EEF2K: variants seen among roughly 807,000 people sequenced by gnomAD.
EEF2K encodes alternative protein EEF2K.
A neutral mutation model predicts 93.8 loss-of-function variants in EEF2K; 70 were observed. That is an observed-to-expected ratio of 0.75 (90% confidence interval 0.62 to 0.91). EEF2K has a LOEUF of 0.91. EEF2K is among the 40% of genes least tolerant of loss of function. EEF2K has a pLI of 0.00. For synonymous variants in EEF2K, 376 were observed against 380.8 expected, an observed-to-expected ratio of 0.99 and a Z score of 0.15; for missense variants, 935 against 972.9, an observed-to-expected ratio of 0.96 and a Z score of 0.52.
rs2141686103 is a variant in EEF2K at position 22,275,116 on chromosome 16, C to CTGGGGAAGCA, written c.1889+1366_1889+1367insTGGGGAAGCA. ...AAATGTCAGTGTATACATATGGTGC[C>CTGGGGAAGCA]CATTGAGTGCACTGGGGAAGCACAT... On this transcript the variant is annotated intron_variant, in intron 16 of 17. Coordinates refer to ENST00000263026, the MANE Select transcript of EEF2K (RefSeq NM_013302.5). Among the ~76,000 whole-genome samples, 5 of 152,204 alleles carry CTGGGGAAGCA rather than the reference C, an allele frequency of 3.3e-5. No homozygotes were observed. The East Asian group carries it at 9.6e-4, about 29-fold the overall frequency.
At chr16:22,208,064 T>C (rs11643979) in intron 1 of EEF2K, among the ~76,000 whole-genome samples, 5,314 of 152,314 alleles carry the variant, frequency 0.035, 149 homozygotes, top group South Asian at 0.097. Context: ...TGAATTTCAG[T>C]GTAACATGGC....
At position 22,275,257 on chromosome 16, in the gene EEF2K, A is replaced by T. The variant is rs1195091780; in HGVS notation, c.1889+1507A>T. On this transcript the variant is annotated intron_variant, in intron 16 of 17. Coordinates refer to ENST00000263026, the MANE Select transcript of EEF2K (RefSeq NM_013302.5). ...AGGTGATAAGTTTTTATTGACTTGT[A>T]AAAGTTCTTTATATATTAAAGCTAT... Among the ~76,000 whole-genome samples the T allele has an allele frequency of 2.0e-5, 3 of 151,914 alleles. No individual in the cohort carries two copies. The East Asian group carries it at 5.8e-4, about 29-fold the overall frequency.
At chr16:22,262,022 C>T (rs1177410125) in intron 11 of EEF2K, among the ~76,000 whole-genome samples, 1 of 151,688 alleles carries the variant, frequency 6.6e-6, no homozygotes, top group Non-Finnish European at 1.5e-5. Context: ...CACACACACA[C>T]ACACACACAC....
At chr16:22,263,774 G>T (rs993382206) in intron 12 of EEF2K, among the ~76,000 whole-genome samples, 1 of 152,156 alleles carries the variant, frequency 6.6e-6, no homozygotes, top group Non-Finnish European at 1.5e-5. Context: ...GAGCAGAGAG[G>T]ATCCTGGGTA....
chr16:22,213,343 T>G (rs2046932695), intron 1 of EEF2K, among the ~76,000 whole-genome samples: 1 of 152,224 alleles, frequency 6.6e-6, no homozygotes, highest in Admixed American at 6.5e-5. Flanking sequence ...GCCTCGGCAC[T>G]GACATTGGGC....
intron 8 of EEF2K, 32 bp from the exon 9 acceptor site, chr16:22,257,607 AAAGC>A: frequency 1.2e-6 from 2 of 1,606,570 alleles, no homozygotes; most frequent in Non-Finnish European, 1.7e-6. Context: ...GTCACAGAGC[AAAGC>A]AACACTCCAG....
At chr16:22,221,491 G>C (rs1414796229) in intron 1 of EEF2K, among the ~76,000 whole-genome samples, 1 of 151,758 alleles carries the variant, frequency 6.6e-6, no homozygotes, top group African/African-American at 2.4e-5. Flanking sequence ...AAAAAAAATA[G>C]CAAGAGCGCA....
chr16:22,280,257 G>A lies in EEF2K; in HGVS notation c.1949G>A (p.Cys650Tyr), dbSNP rs1287762242. The A allele has an allele frequency of 2.5e-6, 4 of 1,605,130 alleles. No individual in the cohort carries two copies. Reference sequence around the variant, plus strand: ...AACACTGCCCTGGAGATGACGGACTGTGATGAGGGCGGTGAGTACGACGGA... The same window carrying A: ...AACACTGCCCTGGAGATGACGGACTATGATGAGGGCGGTGAGTACGACGGA... Reference protein sequence around the residue: ...WYNTALEMTDCDEGGEYDGMQ... With the variant: ...WYNTALEMTDYDEGGEYDGMQ... Residue 650 changes from cysteine (C) to tyrosine (Y), a missense_variant, in exon 17 of 18, where the codon TGT becomes TAT. Cys to Tyr is a radical substitution (Grantham distance 194, BLOSUM62 -2). Transcript: ENST00000263026.
chr16:22,272,854 G>A (rs924416172), intron 15 of EEF2K, among the ~76,000 whole-genome samples: 1 of 152,078 alleles, frequency 6.6e-6, no homozygotes, highest in African/African-American at 2.4e-5. Flanking sequence ...TAGAGACGGG[G>A]TTTCACCATG....
In EEF2K at chr16:22,284,121, T is replaced by C. The variant is rs2047728640; in HGVS notation, c.*125T>C. Reference sequence around the variant, plus strand: ...TTTTAAGTGTGTTGTAAAATCAAATTTTATATTTCATTTTTTGACTCTTGA... The same window carrying C: ...TTTTAAGTGTGTTGTAAAATCAAATCTTATATTTCATTTTTTGACTCTTGA... On this transcript the variant is annotated 3_prime_UTR_variant, in exon 18 of 18. Transcript: ENST00000263026. 2 of 864,128 alleles carry C rather than the reference T, an allele frequency of 2.3e-6. No homozygotes were observed. Among genetic ancestry groups the C allele is most frequent in the African/African-American group, 3.4e-5 (2 of 58,446 alleles). 53.5% of individuals were successfully genotyped at this position (864,128 alleles called of 1,614,324 possible).
intron 15 of EEF2K, 121 bp downstream of exon 15, chr16:22,266,997 G>C: frequency 8.0e-7 from 1 of 1,254,500 alleles, no homozygotes; most frequent in South Asian, 1.5e-5. Flanking sequence ...GTTTATGCAT[G>C]CCACAAAAAT....
At position 22,247,440 on chromosome 16, in the gene EEF2K, T is replaced by C. The variant is rs561117154; in HGVS notation, c.348-1315T>C. Among the ~76,000 whole-genome samples the C allele has an allele frequency of 7.5e-5, 10 of 134,080 alleles. No homozygotes were observed. The South Asian group carries it at 2.6e-3, about 34-fold the overall frequency. 88.0% of individuals were successfully genotyped at this position (134,080 alleles called of 152,430 possible). A position where few individuals can be genotyped will look rare whatever the true frequency, so the allele number is the denominator to read the frequency against. On this transcript the variant is annotated intron_variant, in intron 3 of 17. Transcript: ENST00000263026. ...TCCAGCCTGGGTGATGGGGAGATTCTGTGTCAAAAAAAAAAAAAAATTCTC... is the reference window on the plus strand; with the variant it reads ...TCCAGCCTGGGTGATGGGGAGATTCCGTGTCAAAAAAAAAAAAAAATTCTC...
At chr16:22,217,289 T>C (rs116953338) in intron 1 of EEF2K, among the ~76,000 whole-genome samples, 1,712 of 151,890 alleles carry the variant, frequency 0.011, 18 homozygotes, top group South Asian at 0.052. Context: ...AGTAGTTGCC[T>C]CTAGGGTTGG....
intron 1 of EEF2K, among the ~76,000 whole-genome samples, chr16:22,221,702 A>C (rs1567261447): frequency 6.6e-6 from 1 of 152,196 alleles, no homozygotes; most frequent in Non-Finnish European, 1.5e-5. Context: ...TTTTTAAACT[A>C]ATTTACTTAC....
chr16:22,283,348 A>C (rs2047716206), intron 17 of EEF2K, among the ~76,000 whole-genome samples: 1 of 151,776 alleles, frequency 6.6e-6, no homozygotes, highest in Non-Finnish European at 1.5e-5. Context: ...AATGATGCAA[A>C]TCTATAATCT....
intron 10 of EEF2K, 88 bp downstream of exon 10, chr16:22,258,783 C>A (rs2047435045): frequency 1.5e-5 from 24 of 1,551,264 alleles, no homozygotes; most frequent in Non-Finnish European, 1.6e-5. Context: ...TTAGAAAAAT[C>A]AGACATGCTA....
intron 12 of EEF2K, 85 bp from the exon 13 acceptor site, chr16:22,264,733 G>A: frequency 6.6e-7 from 1 of 1,513,424 alleles, no homozygotes; most frequent in South Asian, 1.1e-5. Context: ...CTGGTTCCAG[G>A]GAGGAGGGCT....
Position 22,284,876 on chromosome 16 carries a change from A to C in EEF2K, c.*880A>C, listed in dbSNP as rs1042280313. 1 of 152,462 alleles carries C rather than the reference A, an allele frequency of 6.6e-6. No homozygotes were observed. Among genetic ancestry groups the C allele is most frequent in the Non-Finnish European group, 1.5e-5 (1 of 68,038 alleles). The allele number at this position is 152,462 out of a possible 1,614,324, so 9.4% of individuals were successfully genotyped here. A position where few individuals can be genotyped will look rare whatever the true frequency, so the allele number is the denominator to read the frequency against. On this transcript the variant is annotated 3_prime_UTR_variant, in exon 18 of 18. Coordinates refer to ENST00000263026, the MANE Select transcript of EEF2K (RefSeq NM_013302.5). ...ATTTTTTCAGTGGGTGTGAGATTGCACAATACCCAGGCTCCCTTCTACTGT... is the reference window on the plus strand; with the variant it reads ...ATTTTTTCAGTGGGTGTGAGATTGCCCAATACCCAGGCTCCCTTCTACTGT...
At position 22,266,763 on chromosome 16, in the gene EEF2K, G is replaced by T. The variant is rs1275163983; in HGVS notation, c.1651G>T (p.Ala551Ser). 1.2e-6 allele frequency: 2 copies of T among 1,614,222 alleles called. No homozygotes were observed. Among genetic ancestry groups the T allele is most frequent in the East Asian group, 4.5e-5 (2 of 44,886 alleles). Residue 551 changes from alanine (A) to serine (S), a missense_variant, in exon 15 of 18, where the codon GCT becomes TCT. Coordinates refer to ENST00000263026, the MANE Select transcript of EEF2K (RefSeq NM_013302.5). Reference sequence around the variant, plus strand: ...GGGCGAGGAGTGGGACCAGGAGTCGGCTGTCTTCCACCTGGAGCACGCAGC... The same window carrying T: ...GGGCGAGGAGTGGGACCAGGAGTCGTCTGTCTTCCACCTGGAGCACGCAGC... ...EKGEEWDQES[A>S]VFHLEHAANL...
Sources: gnomAD v4.1 joint callset for allele counts (sites outside exome capture counted in the v4.1 genomes callset) on GRCh38, gnomAD v4.1.1 for gene constraint, MANE v1.5 for transcripts, NCBI Gene and HGNC (gene_info 2026-07-23, HGNC 2026-07-21) for gene names.